The following WDR41 variants were observed in gnomAD, a reference collection of about 807,000 sequenced individuals.
WDR41 encodes the protein WD repeat-containing protein 41.
In WDR41, 63 loss-of-function variants were observed where a neutral mutation model predicts 69.3. The observed-to-expected ratio is 0.91, with a 90% CI of 0.74 to 1.12. WDR41 has a LOEUF of 1.12. WDR41 is among the 50% of genes most tolerant of loss of function. WDR41 has a pLI of 0.00. For missense variants in WDR41, 543 were observed against 534.5 expected, an observed-to-expected ratio of 1.02 and a Z score of -0.16; for synonymous variants, 185 against 192.1, an observed-to-expected ratio of 0.96 and a Z score of 0.31.
At chr5:77,509,772 G>A (rs981223606) in intron 1 of WDR41, among the ~76,000 whole-genome samples, 8 of 152,158 alleles carry the variant, frequency 5.3e-5, no homozygotes, top group African/African-American at 1.9e-4. Context: ...TATGGTAATA[G>A]CTTCACATAT....
intron 1 of WDR41, among the ~76,000 whole-genome samples, chr5:77,618,627 C>T (rs1031460332): frequency 6.6e-6 from 1 of 152,182 alleles, no homozygotes; most frequent in African/African-American, 2.4e-5. Context: ...CCTGCCTCGG[C>T]CTCCTGAAGT....
At position 77,552,788 on chromosome 5, in the gene WDR41, G is replaced by A. The variant is rs974667846; in HGVS notation, c.43-63216C>T. Reference sequence around the variant, plus strand: ...ACAAAGGTGCAAAACCAATTTAAAGGAGGAGGAATAACCTTTTCAACAAAT... The same window carrying A: ...ACAAAGGTGCAAAACCAATTTAAAGAAGGAGGAATAACCTTTTCAACAAAT... On this transcript the variant is annotated intron_variant, in intron 1 of 5. Transcript: ENST00000509971. Among the ~76,000 whole-genome samples the A allele has an allele frequency of 5.9e-5, 9 of 152,180 alleles. 1 individual carries two copies. Among genetic ancestry groups the A allele is most frequent in the Non-Finnish European group, 1.2e-4 (8 of 68,030 alleles).
chr5:77,493,263 T>C, upstream of WDR41, among the ~76,000 whole-genome samples: 1 of 152,364 alleles, frequency 6.6e-6, no homozygotes, highest in Middle Eastern at 3.4e-3. Context: ...TGCAAAAGTA[T>C]AAATATATAT....
At chr5:77,618,689 T>C (rs561644130) in intron 1 of WDR41, among the ~76,000 whole-genome samples, 1 of 152,280 alleles carries the variant, frequency 6.6e-6, no homozygotes, top group East Asian at 1.9e-4. Context: ...CGTTTTTTGA[T>C]GACTTGGGGA....
At chr5:77,440,182 A>C (rs985994969) in intron 9 of WDR41, among the ~76,000 whole-genome samples, 3 of 152,238 alleles carry the variant, frequency 2.0e-5, no homozygotes, top group Non-Finnish European at 4.4e-5. Context: ...TTCTCCTCGA[A>C]GGGTACAATT....
rs1376476878 is a variant in WDR41, at chr5:77,431,695, T to G, written c.*1440A>C. ...GAAGTAAAACAGTTAAGTCTATGGC[T>G]CCCTTGTGTCATACAACTTCAGAAA... On this transcript the variant is annotated 3_prime_UTR_variant, in exon 13 of 13. Coordinates refer to ENST00000296679, the MANE Select transcript of WDR41 (RefSeq NM_018268.4). The G allele has an allele frequency of 6.6e-6, 1 of 152,190 alleles. No homozygotes were observed. The highest frequency in any genetic ancestry group is 1.5e-5 in the Non-Finnish European group (1 of 68,038). 9.4% of individuals were successfully genotyped at this position (152,190 alleles called of 1,614,324 possible). A position where few individuals can be genotyped will look rare whatever the true frequency, so the allele number is the denominator to read the frequency against.
chr5:77,436,479 G>A, intron 11 of WDR41, 85 bp from the exon 12 acceptor site: 1 of 1,533,830 alleles, frequency 6.5e-7, no homozygotes, highest in South Asian at 1.2e-5. Flanking sequence ...AATGTGAAGA[G>A]GTTCCAGACT....
chr5:77,479,033 C>G (rs1561758531), intron 2 of WDR41, among the ~76,000 whole-genome samples: 2 of 151,918 alleles, frequency 1.3e-5, no homozygotes, highest in Non-Finnish European at 2.9e-5. Context: ...ACACCAACAA[C>G]AAACAGAGAG....
At chr5:77,493,442 A>C (rs1801886795), upstream of WDR41, among the ~76,000 whole-genome samples, 1 of 152,160 alleles carries the variant, frequency 6.6e-6, no homozygotes, top group Non-Finnish European at 1.5e-5. Context: ...ACAAGGCATA[A>C]TGTCCCAGTC....
chr5:77,550,929 A>G (rs1743283955), intron 1 of WDR41, among the ~76,000 whole-genome samples: 2 of 152,128 alleles, frequency 1.3e-5, no homozygotes, highest in Non-Finnish European at 2.9e-5. Flanking sequence ...TCATGTCCTT[A>G]CCTAAGCAAA....
intron 8 of WDR41, among the ~76,000 whole-genome samples, chr5:77,441,828 G>C (rs1187278685): frequency 6.6e-6 from 1 of 151,550 alleles, no homozygotes; most frequent in Non-Finnish European, 1.5e-5. Context: ...TATTATACTT[G>C]ATACATAAGG....
chr5:77,508,399 C>T (rs1454675362), intron 1 of WDR41, among the ~76,000 whole-genome samples: 6 of 152,234 alleles, frequency 3.9e-5, no homozygotes, highest in African/African-American at 1.2e-4. Flanking sequence ...CAGGCATGAG[C>T]CACCACACCT....
At chr5:77,447,684 C>T (rs577014726) in intron 8 of WDR41, among the ~76,000 whole-genome samples, 2 of 152,100 alleles carry the variant, frequency 1.3e-5, no homozygotes, top group African/African-American at 2.4e-5. Context: ...AATCAAATGC[C>T]GCATATTCTC....
intron 5 of WDR41, 36 bp downstream of exon 5, chr5:77,459,026 A>C (rs954128781): frequency 6.9e-7 from 1 of 1,442,662 alleles, no homozygotes; most frequent in African/African-American, 1.4e-5. Context: ...ACAAAAATAG[A>C]TTGTCATAAA....
chr5:77,480,610 T>A (rs1464160736), intron 2 of WDR41, among the ~76,000 whole-genome samples: 2 of 142,686 alleles, frequency 1.4e-5, no homozygotes, highest in Admixed American at 1.5e-4. Context: ...CACTCATAGG[T>A]GGGAACTGAA....
chr5:77,523,942 G>A (rs1428608287), intron 1 of WDR41, among the ~76,000 whole-genome samples: 1 of 152,182 alleles, frequency 6.6e-6, no homozygotes, highest in Non-Finnish European at 1.5e-5. Flanking sequence ...GGAGCATCTA[G>A]TTACCTAGGG....
intron 1 of WDR41, among the ~76,000 whole-genome samples, chr5:77,528,819 A>C (rs1258605939): frequency 6.6e-6 from 1 of 151,668 alleles, no homozygotes; most frequent in Non-Finnish European, 1.5e-5. Context: ...TACCTGACAA[A>C]ATTCGATATC....
intron 3 of WDR41, among the ~76,000 whole-genome samples, chr5:77,464,221 A>C (rs1290086794): frequency 1.3e-5 from 2 of 150,676 alleles, no homozygotes; most frequent in African/African-American, 2.4e-5. Context: ...ATAAGATTAA[A>C]ATTTTGTATT....
At chr5:77,593,035 G>A (rs1174498216) in intron 1 of WDR41, among the ~76,000 whole-genome samples, 1 of 152,160 alleles carries the variant, frequency 6.6e-6, no homozygotes, top group African/African-American at 2.4e-5. Context: ...ATGAATATCA[G>A]AAAGAAGAGA....
Sources: gnomAD v4.1 joint callset for allele counts (sites outside exome capture counted in the v4.1 genomes callset) on GRCh38, gnomAD v4.1.1 for gene constraint, MANE v1.5 for transcripts, NCBI Gene and HGNC (gene_info 2026-07-23, HGNC 2026-07-21) for gene names.